NBEA: variants seen among roughly 807,000 people sequenced by gnomAD.
NBEA encodes neurobeachin, also known as lysosomal-trafficking regulator 2.
NBEA carries 44 observed loss-of-function variants against 343.4 expected under a neutral mutation model. The ratio of observed to expected loss-of-function variants is 0.13; its 90% CI spans 0.10 to 0.16. The LOEUF is 0.16. Among genes scored for constraint, NBEA ranks in the 10% least tolerant of loss-of-function variants. The pLI is 1.00. For synonymous variants in NBEA, 1,175 were observed against 1,238.7 expected (o/e 0.95, Z 1.08); for missense variants, 2,555 against 3,631.3 (o/e 0.70, Z 7.62).
intron 41 of NBEA, among the ~76,000 whole-genome samples, chr13:35,544,487 C>T (rs1009492392): frequency 5.9e-5 from 9 of 152,118 alleles, no homozygotes; most frequent in Non-Finnish European, 1.3e-4. Context: ...ATGTCCGATA[C>T]GCATGAGTGC....
intron 17 of NBEA, among the ~76,000 whole-genome samples, chr13:35,125,824 G>A (rs909278479): frequency 6.6e-6 from 1 of 151,272 alleles, no homozygotes; most frequent in Non-Finnish European, 1.5e-5. Flanking sequence ...ATAAACAAAT[G>A]CATACATACA....
intron 38 of NBEA, among the ~76,000 whole-genome samples, chr13:35,373,902 A>G (rs1250969120): frequency 6.6e-6 from 1 of 152,062 alleles, no homozygotes; most frequent in South Asian, 2.1e-4. Flanking sequence ...AAGAAAACCC[A>G]TGTATAAGTG....
chr13:34,964,500 G>A (rs1480845156), intron 1 of NBEA, among the ~76,000 whole-genome samples: 1 of 151,708 alleles, frequency 6.6e-6, no homozygotes, highest in Non-Finnish European at 1.5e-5. Context: ...TATTCTTATG[G>A]CTCCTTGGGG....
intron 1 of NBEA, among the ~76,000 whole-genome samples, chr13:35,031,873 C>G (rs924786639): frequency 6.6e-6 from 1 of 151,728 alleles, no homozygotes; most frequent in African/African-American, 2.4e-5. Context: ...TTATTTAGCT[C>G]CCACTTATAA....
intron 12 of NBEA, among the ~76,000 whole-genome samples, chr13:35,110,031 C>CT (rs2066110334): frequency 8.4e-6 from 1 of 118,986 alleles, no homozygotes; most frequent in African/African-American, 3.2e-5. Context: ...ATTTTGACAA[C>CT]TCTTTTTTTT....
chr13:35,577,029 C>G (rs1447003202), intron 45 of NBEA, among the ~76,000 whole-genome samples: 1 of 152,000 alleles, frequency 6.6e-6, no homozygotes, highest in African/African-American at 2.4e-5. Flanking sequence ...AAACTGGATC[C>G]AAGTGCCCAC....
At chr13:35,425,273 T>C (rs1339378751) in intron 38 of NBEA, among the ~76,000 whole-genome samples, 2 of 152,232 alleles carry the variant, frequency 1.3e-5, no homozygotes, top group Admixed American at 1.3e-4. Context: ...TGCTTTCTCT[T>C]GTGGGCATTT....
At chr13:35,199,909 C>G (rs1566447591) in intron 31 of NBEA, among the ~76,000 whole-genome samples, 1 of 151,962 alleles carries the variant, frequency 6.6e-6, no homozygotes, top group Non-Finnish European at 1.5e-5. Flanking sequence ...GTCATCTGTG[C>G]AGATTAAGTA....
At chr13:35,347,710 G>GATCATC (rs2039967278) in intron 36 of NBEA, among the ~76,000 whole-genome samples, 1 of 151,576 alleles carries the variant, frequency 6.6e-6, no homozygotes, top group Admixed American at 6.6e-5. Flanking sequence ...TCTCCTCCAT[G>GATCATC]ATCATCATCA....
chr13:35,565,688 C>T (rs181510122), intron 44 of NBEA, among the ~76,000 whole-genome samples: 1 of 152,220 alleles, frequency 6.6e-6, no homozygotes, highest in African/African-American at 2.4e-5. Context: ...TAGCTATTCT[C>T]TTAATTTCAC....
At chr13:34,958,798 A>G (rs953683844) in intron 1 of NBEA, among the ~76,000 whole-genome samples, 1 of 152,172 alleles carries the variant, frequency 6.6e-6, no homozygotes, top group Middle Eastern at 3.2e-3. Flanking sequence ...AAGAATTGCA[A>G]TAGTTTATCA....
intron 36 of NBEA, among the ~76,000 whole-genome samples, chr13:35,332,962 T>C (rs1321616096): frequency 6.6e-6 from 1 of 151,980 alleles, no homozygotes; most frequent in East Asian, 1.9e-4. Flanking sequence ...ATGCCTAAAG[T>C]AACATGTCAT....
At chr13:35,062,675 G>A (rs2063508104) in intron 8 of NBEA, among the ~76,000 whole-genome samples, 1 of 151,732 alleles carries the variant, frequency 6.6e-6, no homozygotes, top group African/African-American at 2.4e-5. Context: ...AGCCATAGAG[G>A]TGGAACAAAA....
chr13:35,560,097 G>C (rs533681738), intron 44 of NBEA, among the ~76,000 whole-genome samples: 13 of 152,182 alleles, frequency 8.5e-5, no homozygotes, highest in Non-Finnish European at 1.6e-4. Context: ...CCATGAGTTA[G>C]GTTCTGTTCT....
chr13:34,954,900 A>G lies in NBEA; in HGVS notation c.294+11786A>G, dbSNP rs548770107. Among the ~76,000 whole-genome samples the G allele has an allele frequency of 1.5e-4, 23 of 152,296 alleles. No homozygotes were observed. The South Asian group carries it at 4.1e-3, about 27-fold the overall frequency. ...TTTCGATCCCCTATTGGTTGAATCT[A>G]TGGATGTAGAACTCATGGATACAGA... On this transcript the variant is annotated intron_variant, in intron 1 of 58. Transcript: ENST00000379939.
chr13:35,102,810 AT>A (rs769373735), intron 11 of NBEA, among the ~76,000 whole-genome samples: 15 of 151,936 alleles, frequency 9.9e-5, no homozygotes, highest in Non-Finnish European at 1.3e-4. Context: ...TTTGTAGACA[AT>A]AATAACATTG....
intron 39 of NBEA, among the ~76,000 whole-genome samples, chr13:35,439,735 A>C (rs1342927849): frequency 6.6e-6 from 1 of 152,246 alleles, no homozygotes; most frequent in Non-Finnish European, 1.5e-5. Flanking sequence ...TATAATAAAA[A>C]ATAAATAAAT....
chr13:35,598,002 T>TA (rs2081885456), intron 47 of NBEA, among the ~76,000 whole-genome samples: 1 of 152,154 alleles, frequency 6.6e-6, no homozygotes, highest in African/African-American at 2.4e-5. Flanking sequence ...ACATTCCTCT[T>TA]ACATGTAAAA....
intron 1 of NBEA, among the ~76,000 whole-genome samples, chr13:34,982,098 C>G (rs1008571102): frequency 1.3e-5 from 2 of 151,428 alleles, no homozygotes; most frequent in African/African-American, 4.9e-5. Context: ...TTACTTTGTC[C>G]TACTTGCTGC....
Sources: allele counts gnomAD v4.1 joint callset (sites outside exome capture counted in the v4.1 genomes callset), GRCh38; gene constraint gnomAD v4.1.1; transcripts MANE v1.5; gene names NCBI Gene and HGNC (gene_info 2026-07-23, HGNC 2026-07-21).